BAHD1: variants seen among roughly 807,000 people sequenced by gnomAD.
BAHD1 encodes bromo adjacent homology domain containing 1, also known as bromo adjacent homology domain-containing 1 protein.
BAHD1 carries 20 observed loss-of-function variants against 63.1 expected under a neutral mutation model. That is an observed-to-expected ratio of 0.32 (90% confidence interval 0.22 to 0.46). The LOEUF is 0.46. BAHD1 is among the 20% of genes least tolerant of loss of function. The pLI, the probability that BAHD1 is intolerant of heterozygous loss-of-function variation, is 1.00. For synonymous variants in BAHD1, 408 were observed against 426.8 expected, an observed-to-expected ratio of 0.96 and a Z score of 0.54; for missense variants, 939 against 1,071.8, an observed-to-expected ratio of 0.88 and a Z score of 1.73.
At chr15:40,445,096 C>T (rs1893499567) in intron 1 of BAHD1, among the ~76,000 whole-genome samples, 1 of 152,112 alleles carries the variant, frequency 6.6e-6, no homozygotes, top group South Asian at 2.1e-4. Flanking sequence ...ACAGTCCTTC[C>T]TCTCTTTCTG....
upstream of BAHD1, among the ~76,000 whole-genome samples, chr15:40,437,715 G>A (rs985020670): frequency 6.6e-6 from 1 of 152,250 alleles, no homozygotes; most frequent in Non-Finnish European, 1.5e-5. Context: ...CACCACTGCA[G>A]GGACTGCACT....
intron 4 of BAHD1, 166 bp from the exon 5 acceptor site, chr15:40,464,305 C>G: frequency 1.5e-6 from 1 of 674,544 alleles, no homozygotes; most frequent in African/African-American, 1.8e-5. Context: ...CCATGCCTAA[C>G]AGCATTCCAG....
intron 1 of BAHD1, among the ~76,000 whole-genome samples, chr15:40,448,420 G>C (rs759280192): frequency 2.6e-5 from 4 of 152,182 alleles, no homozygotes; most frequent in Non-Finnish European, 5.9e-5. Context: ...AAGTTATCTT[G>C]CATCTTGGTC....
chr15:40,450,526 T>C (rs546633242), intron 1 of BAHD1, among the ~76,000 whole-genome samples: 235 of 152,356 alleles, frequency 1.5e-3, no homozygotes, highest in South Asian at 6.0e-3. Flanking sequence ...TTCATGTTTT[T>C]TGAAGAATGG....
chr15:40,442,569 A>G (rs184615721), intron 1 of BAHD1, among the ~76,000 whole-genome samples: 242 of 152,268 alleles, frequency 1.6e-3, no homozygotes, highest in Non-Finnish European at 2.5e-3. Context: ...GTCTAACCCC[A>G]CCTGGGACAT....
chr15:40,459,955 G>C, intron 2 of BAHD1, 59 bp downstream of exon 2: 1 of 1,506,888 alleles, frequency 6.6e-7, no homozygotes, highest in African/African-American at 1.4e-5. Context: ...CATCCCAGGA[G>C]GTTGGGCTGT....
chr15:40,465,061 T>C, intron 5 of BAHD1: 1 of 488,412 alleles, frequency 2.0e-6, no homozygotes. Context: ...ACATTTCCCC[T>C]CTCCTACGCT....
At chr15:40,463,638 C>G (rs1894115702) in intron 3 of BAHD1, among the ~76,000 whole-genome samples, 1 of 152,164 alleles carries the variant, frequency 6.6e-6, no homozygotes, top group Non-Finnish European at 1.5e-5. Flanking sequence ...GAGCTCAGCC[C>G]CAGAAGCTTC....
At chr15:40,464,159 TG>T in intron 4 of BAHD1, 139 bp downstream of exon 4, 1 of 1,063,540 alleles carries the variant, frequency 9.4e-7, no homozygotes, top group Non-Finnish European at 1.3e-6. Context: ...TCCACTCGGC[TG>T]GGGTCTCTCT....
chr15:40,448,785 T>C (rs1893619824), intron 1 of BAHD1, among the ~76,000 whole-genome samples: 2 of 152,000 alleles, frequency 1.3e-5, no homozygotes, highest in Admixed American at 6.6e-5. Flanking sequence ...GCACAGGAAT[T>C]CTAGGTTACA....
chr15:40,463,962 A>G lies in BAHD1; in HGVS notation c.1917A>G (p.Arg639=). 1.9e-6 allele frequency: 3 copies of G among 1,614,232 alleles called. No individual in the cohort carries two copies. The highest frequency in any genetic ancestry group is 2.5e-6 in the Non-Finnish European group (3 of 1,180,042). The change falls in exon 4 of 7, where the codon CGA becomes CGG. Residue 639 remains arginine, a synonymous_variant. Coordinates refer to ENST00000416165, the MANE Select transcript of BAHD1 (RefSeq NM_014952.5). The part of the protein sequence containing the change: ...RDTVLLKSGP[R]KTSTPYVAKI... ...CCGTCCTTCTCAAATCAGGCCCACG[A>G]AAGACCTCCACACCTTATGTGGCCA... is the stretch of plus-strand genomic sequence containing the variant.
chr15:40,458,478 G>A lies in BAHD1; in HGVS notation c.14G>A (p.Arg5Gln), dbSNP rs73387101. The change falls in exon 2 of 7, where the codon CGG becomes CAG. Residue 5 changes from arginine to glutamine, a missense_variant. Physicochemically the swap from Arg to Gln is conservative, Grantham distance 43 (BLOSUM62 1). Coordinates refer to ENST00000416165, the MANE Select transcript of BAHD1 (RefSeq NM_014952.5). This position sits in a 1 kb window ranked among gnomAD's most constrained non-coding sequence, Gnocchi z 4.7. The part of the protein sequence containing the change: MTHT[R>Q]RKSLPMLSSG... ...TGGAAGTACTCCATGACACACACTC[G>A]GAGAAAGTCCCTTCCCATGCTGAGT... 3,125 of 1,589,920 alleles carry A rather than the reference G, an allele frequency of 2.0e-3. 59 individuals carry two copies. In the African/African-American group the frequency reaches 0.037, roughly 19 times the overall value.
upstream of BAHD1, among the ~76,000 whole-genome samples, chr15:40,438,816 C>T (rs1185045718): frequency 6.6e-6 from 1 of 152,240 alleles, no homozygotes; most frequent in African/African-American, 2.4e-5. Flanking sequence ...CCCTCCCGGC[C>T]TCCATCCCTG....
rs183397026 is a variant in BAHD1, at chr15:40,456,436, C to T, written c.-14-2015C>T. Among the ~76,000 whole-genome samples, 9 of 152,338 alleles carry T rather than the reference C, an allele frequency of 5.9e-5. No homozygotes were observed. The South Asian group carries it at 1.0e-3, about 18-fold the overall frequency. ...TTGCCTTCTGTGACTCTGTCTTGCC[C>T]GGGGCCTGGTCTCTGAGCAGTGGCA... is the stretch of plus-strand genomic sequence containing the variant. On this transcript the variant is annotated intron_variant, in intron 1 of 6. Coordinates refer to ENST00000416165, the MANE Select transcript of BAHD1 (RefSeq NM_014952.5).
Position 40,467,273 on chromosome 15 carries a change from C to T in BAHD1, c.*1143C>T, listed in dbSNP as rs1894239886. 1 of 152,808 alleles carries T rather than the reference C, an allele frequency of 6.5e-6. No homozygotes were observed. The allele number at this position is 152,808 out of a possible 1,614,324, so 9.5% of individuals were successfully genotyped here. A position where few individuals can be genotyped will look rare whatever the true frequency, so the allele number is the denominator to read the frequency against. On this transcript the variant is annotated 3_prime_UTR_variant, in exon 7 of 7. Transcript: ENST00000416165. ...CCAGAGTAGACTAACAGGCTCAGTCCCCTGTTGTCCTTGTGGAGACTAGGC... is the reference window on the plus strand; with the variant it reads ...CCAGAGTAGACTAACAGGCTCAGTCTCCTGTTGTCCTTGTGGAGACTAGGC...
Position 40,464,463 on chromosome 15 carries a change from C to T in BAHD1, c.1976-8C>T, listed in dbSNP as rs1446970472. On this transcript the variant is annotated splice_region_variant and splice_polypyrimidine_tract_variant and intron_variant, in intron 4 of 6. Coordinates refer to ENST00000416165, the MANE Select transcript of BAHD1 (RefSeq NM_014952.5). ...GTTCAAGCCATAACCACTGTGTTGT[C>T]CTTCCAGGAGAGCTGATGATGAGCC... is the stretch of plus-strand genomic sequence containing the variant. The T allele has an allele frequency of 6.2e-7, 1 of 1,611,132 alleles. No homozygotes were observed. Among genetic ancestry groups the T allele is most frequent in the East Asian group, 2.2e-5 (1 of 44,808 alleles).
intron 1 of BAHD1, among the ~76,000 whole-genome samples, chr15:40,453,271 C>T (rs1893758179): frequency 6.6e-6 from 1 of 152,128 alleles, no homozygotes; most frequent in East Asian, 1.9e-4. Context: ...TCTGCTGTAC[C>T]AGCTCTTTAA....
At chr15:40,442,792 T>A (rs1328396546) in intron 1 of BAHD1, among the ~76,000 whole-genome samples, 1 of 152,204 alleles carries the variant, frequency 6.6e-6, no homozygotes, top group African/African-American at 2.4e-5. Flanking sequence ...TTCCAGTCCT[T>A]TTACTTTGTG....
intron 1 of BAHD1, among the ~76,000 whole-genome samples, chr15:40,448,469 G>A (rs1359173807): frequency 6.6e-6 from 1 of 152,212 alleles, no homozygotes; most frequent in African/African-American, 2.4e-5. Flanking sequence ...CTAAGTAGAG[G>A]CAGTGTGTTG....
Sources: gnomAD v4.1 joint callset for allele counts (sites outside exome capture counted in the v4.1 genomes callset) on GRCh38, gnomAD v4.1.1 for gene constraint, Gnocchi (gnomAD v3.1) non-coding constraint, MANE v1.5 for transcripts, NCBI Gene and HGNC (gene_info 2026-07-23, HGNC 2026-07-21) for gene names.